Variants in TSHZ3 observed in about 807,000 individuals in gnomAD.
The protein encoded by TSHZ3 is teashirt zinc finger homeobox 3, also known as teashirt homolog 3.
TSHZ3 carries 10 observed loss-of-function variants against 64.5 expected under a neutral mutation model. That is an observed-to-expected ratio of 0.16 (90% CI 0.10 to 0.26). TSHZ3 has a LOEUF of 0.26. TSHZ3 is among the 10% of genes least tolerant of loss of function. The probability of loss-of-function intolerance (pLI) is 1.00; values close to 1 mark genes in which losing one functional copy is unlikely to be tolerated. For synonymous variants in TSHZ3, 608 were observed against 593.1 expected (o/e 1.03, Z -0.36); for missense variants, 1,242 against 1,421.7 (o/e 0.87, Z 2.03).
At chr19:31,323,215 T>C (rs778690984) in intron 1 of TSHZ3, among the ~76,000 whole-genome samples, 70 of 152,174 alleles carry the variant, frequency 4.6e-4, no homozygotes, top group Non-Finnish European at 7.1e-4. Flanking sequence ...GCCTCCCTCT[T>C]CCAGCCAGGA....
chr19:31,213,177 G>A (rs1342560393), intron 4 of TSHZ3, among the ~76,000 whole-genome samples: 2 of 151,516 alleles, frequency 1.3e-5, no homozygotes, highest in African/African-American at 2.4e-5. Context: ...GCAACATGGT[G>A]AAACCCCGTC....
chr19:31,212,575 A>G (rs1975272628), intron 4 of TSHZ3, among the ~76,000 whole-genome samples: 1 of 152,232 alleles, frequency 6.6e-6, no homozygotes, highest in Non-Finnish European at 1.5e-5. Context: ...AATAGACAAA[A>G]TCGAGAACAC....
exon 3 of TSHZ3, among the ~76,000 whole-genome samples, chr19:31,242,519 C>G (rs529640924): frequency 4.0e-5 from 6 of 151,332 alleles, no homozygotes; most frequent in African/African-American, 1.5e-4. Flanking sequence ...CTCGGTTCTA[C>G]GTGAGAGAAC....
intron 1 of TSHZ3, among the ~76,000 whole-genome samples, chr19:31,324,546 C>T (rs530867463): frequency 7.9e-5 from 12 of 152,332 alleles, no homozygotes; most frequent in Non-Finnish European, 1.0e-4. Flanking sequence ...GGGCAAGGGG[C>T]GTGAAGCCTG....
chr19:31,338,018 A>G (rs1917304313), intron 1 of TSHZ3, among the ~76,000 whole-genome samples: 1 of 152,250 alleles, frequency 6.6e-6, no homozygotes, highest in Non-Finnish European at 1.5e-5. Flanking sequence ...AACCCCAAAT[A>G]AAGTCACATA....
chr19:31,349,124 G>A, intron 1 of TSHZ3, 56 bp downstream of exon 1: 1 of 1,521,076 alleles, frequency 6.6e-7, no homozygotes, highest in African/African-American at 1.4e-5. Context: ...CTGGAGGCGC[G>A]GGGCGAGCGG....
At chr19:31,243,821 T>C (rs1218505743) in intron 1 of TSHZ3, among the ~76,000 whole-genome samples, 2 of 152,184 alleles carry the variant, frequency 1.3e-5, no homozygotes, top group African/African-American at 2.4e-5. Flanking sequence ...GTTTTCCTCA[T>C]CTGCATTTGG....
chr19:31,232,203 A>G (rs1376519071), intron 3 of TSHZ3, among the ~76,000 whole-genome samples: 1 of 152,160 alleles, frequency 6.6e-6, no homozygotes, highest in Non-Finnish European at 1.5e-5. Flanking sequence ...TGCTGCTCAA[A>G]TGAAGAGCGG....
At chr19:31,271,099 T>A (rs1051563260), downstream of TSHZ3, among the ~76,000 whole-genome samples, 10 of 152,206 alleles carry the variant, frequency 6.6e-5, no homozygotes, top group African/African-American at 2.4e-4. Context: ...ATCATTAGAC[T>A]GCCTGGTACG....
chr19:31,293,489 T>C (rs1344260118), intron 1 of TSHZ3, among the ~76,000 whole-genome samples: 1 of 152,186 alleles, frequency 6.6e-6, no homozygotes, highest in Non-Finnish European at 1.5e-5. Context: ...TGCTGTTTCT[T>C]CCATTTTACA....
chr19:31,211,882 A>C (rs1270061581), intron 4 of TSHZ3, among the ~76,000 whole-genome samples: 1 of 152,148 alleles, frequency 6.6e-6, no homozygotes, highest in Non-Finnish European at 1.5e-5. Context: ...AAGGTGATTT[A>C]AGTGAAAAAC....
chr19:31,161,844 G>A (rs1275968145), intron 5 of TSHZ3, among the ~76,000 whole-genome samples: 5 of 152,322 alleles, frequency 3.3e-5, no homozygotes, highest in African/African-American at 1.2e-4. Context: ...TGCCATTGTA[G>A]GGCATGAATC....
chr19:31,158,156 C>T (rs1974329585), intron 5 of TSHZ3, among the ~76,000 whole-genome samples: 1 of 152,198 alleles, frequency 6.6e-6, no homozygotes, highest in Admixed American at 6.5e-5. Context: ...TAAGTCTGTG[C>T]CCTCCAAAAC....
intron 4 of TSHZ3, among the ~76,000 whole-genome samples, chr19:31,210,701 A>C (rs1975251364): frequency 6.6e-6 from 1 of 152,224 alleles, no homozygotes; most frequent in South Asian, 2.1e-4. Flanking sequence ...ACCCACGCGT[A>C]CCACCATTTT....
intron 4 of TSHZ3, among the ~76,000 whole-genome samples, chr19:31,223,794 T>A (rs1975422175): frequency 6.6e-6 from 1 of 151,592 alleles, no homozygotes; most frequent in African/African-American, 2.4e-5. Flanking sequence ...CCACTCCTAA[T>A]GGCACCCGTG....
chr19:31,286,303 A>G (rs993661020), intron 1 of TSHZ3, among the ~76,000 whole-genome samples: 6 of 152,252 alleles, frequency 3.9e-5, no homozygotes, highest in South Asian at 2.1e-4. Context: ...GATGAGAAAT[A>G]AAAGCTCCCA....
chr19:31,279,049 G>A lies in TSHZ3; in HGVS notation c.744C>T (p.Asn248=). 1.9e-6 allele frequency: 3 copies of A among 1,614,062 alleles called. No individual in the cohort carries two copies. Among genetic ancestry groups the A allele is most frequent in the Non-Finnish European group, 2.5e-6 (3 of 1,179,974 alleles). ...HYRDDNHETD[N]NNPKRWSKPR... ...GCTTGGACCAGCGCTTGGGGTTGTT[G>A]TTATCGGTCTCATGGTTGTCGTCGC... The change falls in exon 2 of 2, where the codon AAC becomes AAT. Residue 248 remains asparagine (N), a synonymous_variant. Coordinates refer to ENST00000240587, the MANE Select transcript of TSHZ3 (RefSeq NM_020856.4). This position sits in a 1 kb window ranked among gnomAD's most constrained non-coding sequence, Gnocchi z 6.4.
chr19:31,151,117 C>T (rs1347807391), exon 7 of TSHZ3, among the ~76,000 whole-genome samples: 3 of 152,128 alleles, frequency 2.0e-5, no homozygotes, highest in Non-Finnish European at 4.4e-5. Flanking sequence ...TCAGTAATAA[C>T]CACAGGGAAG....
At chr19:31,191,685 C>A (rs1374965407) in intron 5 of TSHZ3, among the ~76,000 whole-genome samples, 2 of 151,890 alleles carry the variant, frequency 1.3e-5, no homozygotes, top group South Asian at 2.1e-4. Flanking sequence ...AGTGAGACCC[C>A]ATCCCTAGAA....
Sources: gnomAD v4.1 joint callset for allele counts (sites outside exome capture counted in the v4.1 genomes callset) on GRCh38, gnomAD v4.1.1 for gene constraint, Gnocchi (gnomAD v3.1) non-coding constraint, MANE v1.5 for transcripts, NCBI Gene and HGNC (gene_info 2026-07-23, HGNC 2026-07-21) for gene names.